NAV3: variants seen among roughly 807,000 people sequenced by gnomAD.
NAV3 encodes pore membrane and/or filament interacting like protein 1.
Under a neutral mutation model 244.7 loss-of-function variants are expected in NAV3, and 87 were observed. The ratio of observed to expected loss-of-function variants is 0.36; its 90% CI spans 0.30 to 0.42. The LOEUF is 0.42. Among genes scored for constraint, NAV3 ranks in the 20% least tolerant of loss-of-function variants. The pLI is 1.00. For missense variants in NAV3, 2,663 were observed against 2,893.3 expected (o/e 0.92, Z 1.83); for synonymous variants, 1,126 against 1,042.2 (o/e 1.08, Z -1.55).
chr12:78,174,338 A>G (rs1008783368), intron 24 of NAV3, among the ~76,000 whole-genome samples: 1 of 151,900 alleles, frequency 6.6e-6, no homozygotes, highest in African/African-American at 2.4e-5. Flanking sequence ...TCTTCAAAAT[A>G]TCTTAACTAA....
chr12:77,797,300 A>G (rs1439221537), intron 2 of NAV3, among the ~76,000 whole-genome samples: 1 of 152,170 alleles, frequency 6.6e-6, no homozygotes, highest in Non-Finnish European at 1.5e-5. Context: ...AGTATTACTC[A>G]AGTTCTCAGG....
chr12:77,768,383 G>T lies in NAV3; in HGVS notation c.73-171936G>T, dbSNP rs564062678. ...TGCCACCATTTACATGTCATCCAGG[G>T]TGCCCAGGCTGTTTGTGCCAGAGGA... On this transcript the variant is annotated intron_variant, in intron 2 of 8. Coordinates refer to the NAV3 transcript ENST00000550042. Among the ~76,000 whole-genome samples the T allele has an allele frequency of 8.4e-4, 128 of 152,318 alleles. No individual in the cohort carries two copies. The Middle Eastern group carries it at 0.017, about 20-fold the overall frequency.
At chr12:77,626,555 C>G (rs1871633208) in intron 2 of NAV3, among the ~76,000 whole-genome samples, 1 of 151,990 alleles carries the variant, frequency 6.6e-6, no homozygotes, top group South Asian at 2.1e-4. Flanking sequence ...AGAAAAAAAG[C>G]ATCCAGTCAC....
At chr12:78,157,122 A>G (rs1205705787) in intron 22 of NAV3, among the ~76,000 whole-genome samples, 1 of 152,082 alleles carries the variant, frequency 6.6e-6, no homozygotes, top group African/African-American at 2.4e-5. Context: ...GACAAAGAAG[A>G]GCTTCTTGGT....
chr12:77,808,936 C>T (rs113924160), intron 2 of NAV3, among the ~76,000 whole-genome samples: 127 of 152,264 alleles, frequency 8.3e-4, no homozygotes, highest in Non-Finnish European at 1.7e-3. Context: ...CGGTGGGCTC[C>T]GCCCAGTTCG....
chr12:78,134,887 T>C (rs1956308434), intron 18 of NAV3, among the ~76,000 whole-genome samples: 1 of 152,246 alleles, frequency 6.6e-6, no homozygotes, highest in Non-Finnish European at 1.5e-5. Context: ...GTGGCTTGGC[T>C]ATGCAAATGC....
chr12:78,144,048 T>G (rs986433862), intron 20 of NAV3, among the ~76,000 whole-genome samples: 3 of 152,202 alleles, frequency 2.0e-5, no homozygotes, highest in Admixed American at 1.3e-4. Context: ...TCAAGTCCAT[T>G]TATTCTTTAT....
At chr12:77,918,231 A>G (rs1200555670) in intron 1 of NAV3, among the ~76,000 whole-genome samples, 1 of 152,032 alleles carries the variant, frequency 6.6e-6, no homozygotes, top group African/African-American at 2.4e-5. Context: ...TACATTTAAC[A>G]CTGTTTTGTG....
chr12:77,903,734 C>T (rs962650099), intron 1 of NAV3, among the ~76,000 whole-genome samples: 1 of 152,162 alleles, frequency 6.6e-6, no homozygotes, highest in Admixed American at 6.5e-5. Flanking sequence ...AAAATTTTTG[C>T]AACCTACTCA....
chr12:77,711,553 A>C (rs895407235), intron 2 of NAV3, among the ~76,000 whole-genome samples: 5 of 152,238 alleles, frequency 3.3e-5, no homozygotes, highest in Admixed American at 6.5e-5. Flanking sequence ...TACAAACAGG[A>C]TCTGGTCCTT....
Position 78,122,194 on chromosome 12 carries a change from C to T in NAV3, c.4004C>T (p.Ser1335Leu), listed in dbSNP as rs775821161. Residue 1335 changes from serine (S) to leucine (L), a missense_variant, in exon 16 of 40, where the codon TCG becomes TTG. Coordinates refer to ENST00000397909, the MANE Select transcript of NAV3 (RefSeq NM_001024383.2). Reference sequence around the variant, plus strand: ...CACTCGTTGGCCTCCAGCCCAGCATCGGTTCACTCTTTCACATCAGGTGGT... The same window carrying T: ...CACTCGTTGGCCTCCAGCCCAGCATTGGTTCACTCTTTCACATCAGGTGGT... The part of the protein sequence containing the change: ...LSHSLASSPA[S>L]VHSFTSGGLV... 30 of 1,614,000 alleles carry T rather than the reference C, an allele frequency of 1.9e-5. No homozygotes were observed. The Admixed American group carries it at 2.0e-4, about 11-fold the overall frequency.
intron 2 of NAV3, among the ~76,000 whole-genome samples, chr12:77,669,076 G>T (rs142053138): frequency 1.4e-3 from 207 of 152,270 alleles, no homozygotes; most frequent in African/African-American, 4.5e-3. Context: ...AAAAGATACC[G>T]TGTTTCCCAA....
At chr12:77,782,157 T>C (rs1226954422) in intron 2 of NAV3, among the ~76,000 whole-genome samples, 1 of 152,162 alleles carries the variant, frequency 6.6e-6, no homozygotes, top group Non-Finnish European at 1.5e-5. Flanking sequence ...TTGATTGAAG[T>C]AGGCATTCTC....
At chr12:77,780,306 T>G (rs1380028415) in intron 2 of NAV3, among the ~76,000 whole-genome samples, 1 of 152,182 alleles carries the variant, frequency 6.6e-6, no homozygotes. Context: ...CAAGAGCCAT[T>G]GTATTTCCCC....
chr12:78,210,836 T>C lies in NAV3; in HGVS notation c.*319T>C, dbSNP rs1960826540. On this transcript the variant is annotated 3_prime_UTR_variant, in exon 40 of 40. Coordinates refer to ENST00000397909, the MANE Select transcript of NAV3 (RefSeq NM_001024383.2). ...GGATAGCCAAACTGGACTTTCTTTG[T>C]TTCCTCTTTAAAAGTTTACAATGCA... The C allele has an allele frequency of 7.1e-6, 2 of 279,978 alleles. No individual in the cohort carries two copies. The highest frequency in any genetic ancestry group is 5.0e-5 in the Admixed American group (1 of 19,902). 17.3% of individuals were successfully genotyped at this position (279,978 alleles called of 1,614,324 possible). A position where few individuals can be genotyped will look rare whatever the true frequency, so the allele number is the denominator to read the frequency against.
intron 2 of NAV3, among the ~76,000 whole-genome samples, chr12:77,632,754 T>C (rs1392260098): frequency 6.6e-6 from 1 of 152,218 alleles, no homozygotes; most frequent in Non-Finnish European, 1.5e-5. Context: ...TTAAAAGTAA[T>C]ACACCAATTT....
intron 3 of NAV3, among the ~76,000 whole-genome samples, chr12:77,946,125 G>A (rs942103750): frequency 6.8e-5 from 10 of 146,058 alleles, no homozygotes; most frequent in Non-Finnish European, 1.2e-4. Flanking sequence ...TATATATTGT[G>A]TAAATATACA....
intron 32 of NAV3, 63 bp downstream of exon 32, chr12:78,188,406 T>C (rs1958822515): frequency 4.4e-6 from 6 of 1,377,328 alleles, no homozygotes; most frequent in Non-Finnish European, 6.1e-6. Context: ...TTGTTTTCCA[T>C]AACTTCAATA....
intron 12 of NAV3, among the ~76,000 whole-genome samples, chr12:78,094,237 C>G (rs1389960908): frequency 1.3e-5 from 2 of 152,164 alleles, no homozygotes; most frequent in East Asian, 3.9e-4. Context: ...AAGAGTTTAA[C>G]TGAAAGCACT....
Sources: gnomAD v4.1 joint callset for allele counts (sites outside exome capture counted in the v4.1 genomes callset) on GRCh38, gnomAD v4.1.1 for gene constraint, MANE v1.5 for transcripts, NCBI Gene and HGNC (gene_info 2026-07-23, HGNC 2026-07-21) for gene names.